The following MAF variants were observed in gnomAD, a reference collection of about 807,000 sequenced individuals.
The protein encoded by MAF is transcription factor Maf.
A neutral mutation model predicts 22.0 loss-of-function variants in MAF; 10 were observed. The ratio of observed to expected loss-of-function variants is 0.45; its 90% CI spans 0.28 to 0.77. The LOEUF is 0.77. MAF is among the 30% of genes least tolerant of loss of function. The probability of loss-of-function intolerance (pLI) is 0.12; values close to 1 mark genes in which losing one functional copy is unlikely to be tolerated. For missense variants in MAF, 544 were observed against 548.4 expected (o/e 0.99, Z 0.08); for synonymous variants, 337 against 255.8 (o/e 1.32, Z -3.03).
the MAF span, among the ~76,000 whole-genome samples, chr16:79,380,984 C>A: frequency 6.6e-6 from 1 of 152,274 alleles, no homozygotes; most frequent in Admixed American, 6.5e-5. Context: ...TCCCCTAAGA[C>A]CTCCCATACC....
chr16:79,403,545 TCTTTGCCTCC>T, the MAF span, among the ~76,000 whole-genome samples: 1 of 152,156 alleles, frequency 6.6e-6, no homozygotes, highest in South Asian at 2.1e-4. Flanking sequence ...CTCATCCTTC[TCTTTGCCTCC>T]CTTAATGCCA....
chr16:79,567,484 A>G, the MAF span, among the ~76,000 whole-genome samples: 2 of 152,218 alleles, frequency 1.3e-5, no homozygotes, highest in Non-Finnish European at 2.9e-5. Flanking sequence ...TTTTTGTTTT[A>G]TCTTTTTGCT....
At chr16:79,332,941 C>A in the MAF span, among the ~76,000 whole-genome samples, 2 of 152,186 alleles carry the variant, frequency 1.3e-5, no homozygotes, top group East Asian at 3.9e-4. Flanking sequence ...ACTTTAAAGT[C>A]CATGGTGTCT....
downstream of MAF, among the ~76,000 whole-genome samples, chr16:79,584,735 A>G (rs539079494): frequency 6.6e-6 from 1 of 152,378 alleles, no homozygotes; most frequent in Admixed American, 6.5e-5. Flanking sequence ...CCAAATGTAT[A>G]CACTGAGTTT....
At chr16:79,302,748 A>G in the MAF span, among the ~76,000 whole-genome samples, 3 of 152,256 alleles carry the variant, frequency 2.0e-5, no homozygotes, top group Non-Finnish European at 4.4e-5. Flanking sequence ...AAATGTTGGC[A>G]TTTGCTGTTA....
At chr16:79,416,325 G>A in the MAF span, among the ~76,000 whole-genome samples, 9 of 152,122 alleles carry the variant, frequency 5.9e-5, no homozygotes, top group Non-Finnish European at 8.8e-5. Flanking sequence ...ATTGGGAAGC[G>A]TCTCTGTGAC....
chr16:79,264,529 G>C, the MAF span: 1 of 152,400 alleles, frequency 6.6e-6, no homozygotes, highest in Admixed American at 6.5e-5. Flanking sequence ...GGCCTGGTTA[G>C]TACTTGGATG....
chr16:79,390,077 CTG>C, the MAF span, among the ~76,000 whole-genome samples: 7 of 148,368 alleles, frequency 4.7e-5, no homozygotes, highest in South Asian at 2.2e-4. Context: ...GTGTGAGCAT[CTG>C]TGTGTGTGTG....
chr16:79,233,856 G>C, the MAF span, among the ~76,000 whole-genome samples: 801 of 151,906 alleles, frequency 5.3e-3, 9 homozygotes, highest in African/African-American at 0.018. Context: ...GCCGGGTGTG[G>C]TGGTGGGCAC....
downstream of MAF, among the ~76,000 whole-genome samples, chr16:79,590,583 G>T (rs1336877814): frequency 6.6e-6 from 1 of 152,146 alleles, no homozygotes; most frequent in Non-Finnish European, 1.5e-5. Context: ...GAGTCAGGTG[G>T]GAAGGGTGCA....
the MAF span, among the ~76,000 whole-genome samples, chr16:79,545,500 A>T: frequency 6.7e-6 from 1 of 149,092 alleles, no homozygotes; most frequent in African/African-American, 2.5e-5. Context: ...CCCCATGCAG[A>T]ATTCCAGTTT....
the MAF span, among the ~76,000 whole-genome samples, chr16:79,395,235 C>T: frequency 6.6e-6 from 1 of 152,100 alleles, no homozygotes; most frequent in Non-Finnish European, 1.5e-5. Flanking sequence ...TGGATGCAAA[C>T]CAAGGAGCTG....
At chr16:79,290,625 T>C in the MAF span, among the ~76,000 whole-genome samples, 1 of 151,824 alleles carries the variant, frequency 6.6e-6, no homozygotes, top group Non-Finnish European at 1.5e-5. Flanking sequence ...GGCTGGGGGG[T>C]TGGCTACATG....
At chr16:79,492,804 A>C in the MAF span, among the ~76,000 whole-genome samples, 1 of 152,246 alleles carries the variant, frequency 6.6e-6, no homozygotes, top group African/African-American at 2.4e-5. Context: ...TTTACATAAA[A>C]TTCAAAAAAC....
At chr16:79,562,229 T>C in the MAF span, among the ~76,000 whole-genome samples, 2 of 152,230 alleles carry the variant, frequency 1.3e-5, no homozygotes, top group African/African-American at 2.4e-5. Flanking sequence ...GTACTTGGCA[T>C]AATTGTAATG....
the MAF span, among the ~76,000 whole-genome samples, chr16:79,563,700 T>C: frequency 1.3e-5 from 2 of 152,122 alleles, no homozygotes; most frequent in Non-Finnish European, 2.9e-5. Flanking sequence ...ATATTTCTTA[T>C]TGGACAGCTA....
At chr16:79,444,434 T>G in the MAF span, among the ~76,000 whole-genome samples, 1 of 152,226 alleles carries the variant, frequency 6.6e-6, no homozygotes, top group Non-Finnish European at 1.5e-5. Flanking sequence ...CATGGCTTTC[T>G]GCTTATGAAT....
At chr16:79,587,929 T>G (rs1163901292) in intron 1 of MAF, among the ~76,000 whole-genome samples, 2 of 151,908 alleles carry the variant, frequency 1.3e-5, no homozygotes, top group Non-Finnish European at 2.9e-5. Flanking sequence ...CATTGCAGTT[T>G]CTGTGTTCAT....
At chr16:79,460,936 T>C in the MAF span, among the ~76,000 whole-genome samples, 1 of 152,196 alleles carries the variant, frequency 6.6e-6, no homozygotes, top group Non-Finnish European at 1.5e-5. Flanking sequence ...CTTTCTTTCT[T>C]TTTCAGCTCT....
Sources: gnomAD v4.1 joint callset for allele counts (sites outside exome capture counted in the v4.1 genomes callset) on GRCh38, gnomAD v4.1.1 for gene constraint, MANE v1.5 for transcripts, NCBI Gene and HGNC (gene_info 2026-07-23, HGNC 2026-07-21) for gene names.